PTPRD: variants seen among roughly 807,000 people sequenced by gnomAD.
PTPRD encodes protein tyrosine phosphatase receptor type D.
A neutral mutation model predicts 214.5 loss-of-function variants in PTPRD; 34 were observed. That is an observed-to-expected ratio of 0.16 (90% confidence interval 0.12 to 0.21). The LOEUF is 0.21. Among genes scored for constraint, PTPRD ranks in the 10% least tolerant of loss-of-function variants. The pLI is 1.00. For missense variants in PTPRD, 2,545 were observed against 2,398.7 expected (o/e 1.06, Z -1.27); for synonymous variants, 1,128 against 845.7 (o/e 1.33, Z -5.79).
intron 39 of PTPRD, among the ~76,000 whole-genome samples, chr9:8,365,003 C>A (rs1265064075): frequency 6.6e-6 from 1 of 151,946 alleles, no homozygotes; most frequent in Non-Finnish European, 1.5e-5. Context: ...TTGATTTGAA[C>A]AAAATTTTAA....
rs543151597 is a variant in PTPRD, at chr9:9,718,899, G to T, written c.-287+15634C>A. 1.4e-4 allele frequency among the ~76,000 whole-genome samples: 21 copies of T among 152,296 alleles called. No individual in the cohort carries two copies. The East Asian group carries it at 3.5e-3, about 25-fold the overall frequency. On this transcript the variant is annotated intron_variant, in intron 7 of 45. Coordinates refer to ENST00000381196, the MANE Select transcript of PTPRD (RefSeq NM_002839.4). The stretch of plus-strand genomic sequence containing the variant: ...AAAGACAGCCTGGACACCATGGAGG[G>T]CACATTAATGGCAGCCGGAGGCAGA...
chr9:10,185,650 C>A (rs1473984077), intron 3 of PTPRD, among the ~76,000 whole-genome samples: 4 of 152,096 alleles, frequency 2.6e-5, no homozygotes, highest in African/African-American at 9.7e-5. Context: ...ACTCTAAGAC[C>A]TGTGCTTTTT....
At chr9:9,383,251 G>C (rs983152990) in intron 9 of PTPRD, among the ~76,000 whole-genome samples, 3 of 151,892 alleles carry the variant, frequency 2.0e-5, no homozygotes, top group Non-Finnish European at 1.5e-5. Context: ...CAAGAAAATT[G>C]TCCTATTTTT....
At chr9:9,234,228 T>C (rs1418556497) in intron 9 of PTPRD, among the ~76,000 whole-genome samples, 1 of 152,234 alleles carries the variant, frequency 6.6e-6, no homozygotes, top group Non-Finnish European at 1.5e-5. Context: ...CTGCAAGGCT[T>C]GGGACTTGCA....
intron 8 of PTPRD, among the ~76,000 whole-genome samples, chr9:9,477,517 C>T (rs935269578): frequency 8.5e-5 from 13 of 152,310 alleles, no homozygotes; most frequent in African/African-American, 2.9e-4. Context: ...TCTGATTATT[C>T]ATTTCCACAC....
chr9:9,960,331 G>GAA (rs2094272173), intron 4 of PTPRD, among the ~76,000 whole-genome samples: 1 of 151,790 alleles, frequency 6.6e-6, no homozygotes, highest in Admixed American at 6.6e-5. Flanking sequence ...AGGTGATGAG[G>GAA]AAAACAACCC....
intron 9 of PTPRD, among the ~76,000 whole-genome samples, chr9:9,360,512 A>C (rs1245821062): frequency 1.3e-5 from 2 of 151,090 alleles, no homozygotes; most frequent in Admixed American, 6.6e-5. Context: ...TGGGAGTGTG[A>C]ATGCATATTT....
At chr9:9,126,759 T>C (rs552546232) in intron 10 of PTPRD, among the ~76,000 whole-genome samples, 4 of 152,308 alleles carry the variant, frequency 2.6e-5, no homozygotes, top group Non-Finnish European at 4.4e-5. Context: ...TCAAAGACAA[T>C]CACTGAATGC....
Position 9,668,497 on chromosome 9 carries a change from T to A in PTPRD, c.-287+66036A>T, listed in dbSNP as rs372103306. Among the ~76,000 whole-genome samples the A allele has an allele frequency of 3.9e-4, 59 of 152,292 alleles. No homozygotes were observed. The East Asian group carries it at 8.1e-3, about 21-fold the overall frequency. On this transcript the variant is annotated intron_variant, in intron 7 of 45. Coordinates refer to ENST00000381196, the MANE Select transcript of PTPRD (RefSeq NM_002839.4). ...ACTGCCTTTTTAGTACATTGTTGAT[T>A]TTTTCTTCTAAACAGATCCAATTAA...
intron 2 of PTPRD, among the ~76,000 whole-genome samples, chr9:10,562,722 T>C (rs2064348668): frequency 6.6e-6 from 1 of 152,088 alleles, no homozygotes; most frequent in African/African-American, 2.4e-5. Context: ...ATTTTCTACA[T>C]GCATAGAATA....
At chr9:8,504,188 G>A in intron 23 of PTPRD, 73 bp downstream of exon 23, 1 of 1,484,642 alleles carries the variant, frequency 6.7e-7, no homozygotes, top group Admixed American at 1.7e-5. Flanking sequence ...TTTGCTTATT[G>A]GTGAAGGTGA....
At chr9:10,560,405 T>C (rs1276436120) in intron 2 of PTPRD, among the ~76,000 whole-genome samples, 2 of 151,102 alleles carry the variant, frequency 1.3e-5, no homozygotes, top group Non-Finnish European at 3.0e-5. Context: ...CTGGGGACAG[T>C]TGTGGGGTGG....
At chr9:10,039,054 T>C (rs924347586) in intron 3 of PTPRD, among the ~76,000 whole-genome samples, 5 of 152,128 alleles carry the variant, frequency 3.3e-5, no homozygotes, top group African/African-American at 4.8e-5. Flanking sequence ...TAGTTTTTAA[T>C]TGGCTACATG....
chr9:10,013,599 C>A (rs961140109), intron 4 of PTPRD, among the ~76,000 whole-genome samples: 2 of 151,198 alleles, frequency 1.3e-5, no homozygotes, highest in Non-Finnish European at 3.0e-5. Flanking sequence ...AAAAAAATTT[C>A]AACACAGATA....
At chr9:9,219,286 A>C (rs888558376) in intron 9 of PTPRD, among the ~76,000 whole-genome samples, 3 of 152,136 alleles carry the variant, frequency 2.0e-5, no homozygotes, top group Non-Finnish European at 4.4e-5. Context: ...GACATAGTAC[A>C]ATTGATTTTG....
chr9:8,525,193 C>T (rs765323358), intron 17 of PTPRD, 158 bp from the exon 18 acceptor site: 49 of 752,864 alleles, frequency 6.5e-5, no homozygotes, highest in Middle Eastern at 2.3e-4. Context: ...GAAAATGATG[C>T]GATGAGAAAA....
intron 11 of PTPRD, among the ~76,000 whole-genome samples, chr9:8,798,606 T>A (rs1332002288): frequency 6.6e-6 from 1 of 152,218 alleles, no homozygotes. Context: ...AAGCTGTGAC[T>A]TTTTTACTCA....
At chr9:8,361,050 C>A (rs2078342275) in intron 39 of PTPRD, among the ~76,000 whole-genome samples, 1 of 152,156 alleles carries the variant, frequency 6.6e-6, no homozygotes, top group Non-Finnish European at 1.5e-5. Flanking sequence ...TAGATTTTCT[C>A]ATACTTCTTA....
intron 26 of PTPRD, among the ~76,000 whole-genome samples, chr9:8,496,403 A>C (rs1288508719): frequency 1.3e-5 from 2 of 152,182 alleles, no homozygotes; most frequent in African/African-American, 2.4e-5. Context: ...GCGTTCTATG[A>C]AACTTTTCAG....
Sources: allele counts gnomAD v4.1 joint callset (sites outside exome capture counted in the v4.1 genomes callset), GRCh38; gene constraint gnomAD v4.1.1; transcripts MANE v1.5; gene names NCBI Gene and HGNC (gene_info 2026-07-23, HGNC 2026-07-21).